The following ABLIM2 variants were observed in gnomAD, a reference collection of about 807,000 sequenced individuals.
The protein encoded by ABLIM2 is actin-binding LIM protein 2.
ABLIM2 carries 53 observed loss-of-function variants against 97.7 expected under a neutral mutation model. That is an observed-to-expected ratio of 0.54 (90% CI 0.44 to 0.68). ABLIM2 has a LOEUF of 0.68. ABLIM2 is among the 30% of genes least tolerant of loss of function. The pLI is 0.00. For missense variants in ABLIM2, 835 were observed against 867.2 expected (o/e 0.96, Z 0.47); for synonymous variants, 361 against 345.8 (o/e 1.04, Z -0.49).
At chr4:8,118,325 C>G (rs1843694223) in intron 1 of ABLIM2, among the ~76,000 whole-genome samples, 1 of 152,224 alleles carries the variant, frequency 6.6e-6, no homozygotes, top group African/African-American at 2.4e-5. Context: ...CAGGCAGGAG[C>G]TGGCCCCATG....
rs1052179302 is a variant in ABLIM2 at position 8,140,832 on chromosome 4, C to T, written c.10+17848G>A. ...TCCTGAGTCAGGGTGGGGTTCAGGG[C>T]AGGGAGGTGGCTGCCAAGAAGAGCT... On this transcript the variant is annotated intron_variant, in intron 1 of 20. Transcript: ENST00000447017. This position sits in a 1 kb window ranked among gnomAD's most constrained non-coding sequence, Gnocchi z 5.9. 2.0e-5 allele frequency among the ~76,000 whole-genome samples: 3 copies of T among 152,118 alleles called. No homozygotes were observed. The highest frequency in any genetic ancestry group is 7.2e-5 in the African/African-American group (3 of 41,416).
rs1015069645 is a variant in ABLIM2, at chr4:8,148,195, G to A, written c.10+10485C>T. Among the ~76,000 whole-genome samples, 4 of 152,226 alleles carry A rather than the reference G, an allele frequency of 2.6e-5. No individual in the cohort carries two copies. The highest frequency in any genetic ancestry group is 2.0e-4 in the Admixed American group (3 of 15,290). On this transcript the variant is annotated intron_variant, in intron 1 of 20. Transcript: ENST00000447017. The surrounding 1 kb of genome is among the most constrained non-coding windows in gnomAD (Gnocchi z 6.7). ...AGGGAGAAAAGGAAGACGTGGCGGC[G>A]GTGCAGCAGAAGCTCTCCTGTGGGG... is the stretch of plus-strand genomic sequence containing the variant.
rs1398731737 is a variant in ABLIM2 at position 7,992,421 on chromosome 4, C to T, written c.1680+445G>A. On this transcript the variant is annotated intron_variant, in intron 17 of 20. Transcript: ENST00000447017. This position sits in a 1 kb window ranked among gnomAD's most constrained non-coding sequence, Gnocchi z 5.7. ...CGCTAAGGATTATTTGGTGTCATCA[C>T]GGTAACAGTAATAGCAGGGAAGGCC... 6.6e-6 allele frequency among the ~76,000 whole-genome samples: 1 copy of T among 152,166 alleles called. No homozygotes were observed. Among genetic ancestry groups the T allele is most frequent in the Non-Finnish European group, 1.5e-5 (1 of 68,018 alleles).
chr4:8,052,867 C>G (rs905727998), intron 8 of ABLIM2, among the ~76,000 whole-genome samples: 4 of 152,222 alleles, frequency 2.6e-5, no homozygotes, highest in African/African-American at 9.7e-5. Context: ...ACTCAGGACC[C>G]CCAAGGTAGC....
At position 8,128,661 on chromosome 4, in the gene ABLIM2, C is replaced by T. The variant is rs767295067; in HGVS notation, c.11-22024G>A. Among the ~76,000 whole-genome samples the T allele has an allele frequency of 2.0e-5, 3 of 152,148 alleles. No homozygotes were observed. The highest frequency in any genetic ancestry group is 2.1e-4 in the South Asian group (1 of 4,816). On this transcript the variant is annotated intron_variant, in intron 1 of 20. Coordinates refer to ENST00000447017, the MANE Select transcript of ABLIM2 (RefSeq NM_001130083.2). This position sits in a 1 kb window ranked among gnomAD's most constrained non-coding sequence, Gnocchi z 4.9. The stretch of plus-strand genomic sequence containing the variant: ...TCATTGTCTAGCCCAAGGCCACTGC[C>T]GTGGATTGAATGTGGTGTCCCCTCC...
chr4:8,035,191 C>T (rs1457686963), intron 10 of ABLIM2, among the ~76,000 whole-genome samples: 2 of 151,974 alleles, frequency 1.3e-5, no homozygotes, highest in Non-Finnish European at 2.9e-5. Context: ...CACCCACATC[C>T]TCAAATTCTG....
At chr4:8,104,767 G>C (rs574427349) in intron 2 of ABLIM2, among the ~76,000 whole-genome samples, 1 of 152,318 alleles carries the variant, frequency 6.6e-6, no homozygotes, top group African/African-American at 2.4e-5. Flanking sequence ...AGGGCCAGCG[G>C]CACCAGGGTC....
Position 8,040,620 on chromosome 4 carries a change from A to G in ABLIM2, c.901-4325T>C, listed in dbSNP as rs867294656. On this transcript the variant is annotated intron_variant, in intron 9 of 20. Transcript: ENST00000447017. ...AGCGAGACTCCATTTCAAAAAAAAA[A>G]AAAAGAAAAGAAAAGAAAAGCAGGG... Among the ~76,000 whole-genome samples, 541 of 150,404 alleles carry G rather than the reference A, an allele frequency of 3.6e-3. 3 individuals are homozygous for G. The highest frequency in any genetic ancestry group is 5.6e-3 in the Non-Finnish European group (379 of 67,676).
intron 2 of ABLIM2, among the ~76,000 whole-genome samples, chr4:8,100,499 C>T (rs1318103611): frequency 6.6e-6 from 1 of 152,100 alleles, no homozygotes; most frequent in South Asian, 2.1e-4. Context: ...GAAATACCAG[C>T]ACTTTGGGAG....
At chr4:8,039,447 G>C (rs186796499) in intron 9 of ABLIM2, among the ~76,000 whole-genome samples, 1 of 152,142 alleles carries the variant, frequency 6.6e-6, no homozygotes, top group Non-Finnish European at 1.5e-5. Context: ...CCCTCAGACA[G>C]GTTGCTAAGT....
chr4:8,076,199 CCG>C (rs1446764358), intron 6 of ABLIM2, among the ~76,000 whole-genome samples: 1 of 152,262 alleles, frequency 6.6e-6, no homozygotes, highest in African/African-American at 2.4e-5. Context: ...ACCCGTCTCC[CCG>C]CCAGGTAGAG....
At position 7,970,093 on chromosome 4, in the gene ABLIM2, AT is replaced by A. The variant is rs574727789; in HGVS notation, c.1825-2991del. ...ATCAAAGGAAAGAAAAAGGAAAATCATTTCTAGCTTTATCCAAGACCTGGTG... is the reference window on the plus strand; with the variant it reads ...ATCAAAGGAAAGAAAAAGGAAAATCATTCTAGCTTTATCCAAGACCTGGTG... On this transcript the variant is annotated intron_variant, in intron 20 of 20. Coordinates refer to ENST00000447017, the MANE Select transcript of ABLIM2 (RefSeq NM_001130083.2). The surrounding 1 kb of genome is among the most constrained non-coding windows in gnomAD (Gnocchi z 5.3). 3.2e-3 allele frequency among the ~76,000 whole-genome samples: 483 copies of A among 152,324 alleles called. 2 individuals are homozygous for A. The highest frequency in any genetic ancestry group is 4.8e-3 in the Non-Finnish European group (326 of 68,030).
chr4:8,030,677 C>T (rs112292898), intron 10 of ABLIM2, among the ~76,000 whole-genome samples: 1,907 of 152,338 alleles, frequency 0.013, 37 homozygotes, highest in African/African-American at 0.037. Context: ...AACCCCAGCC[C>T]GGGGCGCACT....
rs2150126633 is a variant in ABLIM2, at chr4:7,998,589, C to T, written c.1619-5662G>A. 2.1e-6 allele frequency: 1 copy of T among 480,442 alleles called. No homozygotes were observed. The highest frequency in any genetic ancestry group is 4.2e-6 in the Non-Finnish European group (1 of 239,998). The allele number at this position is 480,442 out of a possible 1,614,324, so 29.8% of individuals were successfully genotyped here. ...CATGCCCCTGGGTTCACTCCCAGGA[C>T]TGCGGGGTGCCTGCTGGCCACCTGC... is the stretch of plus-strand genomic sequence containing the variant. On this transcript the variant is annotated intron_variant, in intron 16 of 20. Coordinates refer to ENST00000447017, the MANE Select transcript of ABLIM2 (RefSeq NM_001130083.2). This position sits in a 1 kb window ranked among gnomAD's most constrained non-coding sequence, Gnocchi z 6.4.
At chr4:8,079,452 C>G (rs13114977) in intron 5 of ABLIM2, among the ~76,000 whole-genome samples, 5 of 152,176 alleles carry the variant, frequency 3.3e-5, no homozygotes, top group Non-Finnish European at 5.9e-5. Context: ...TGCACCACAC[C>G]GGGCGGTCCC....
In ABLIM2 at chr4:8,125,135, T is replaced by C. The variant is rs1444663551; in HGVS notation, c.11-18498A>G. Among the ~76,000 whole-genome samples, 1 of 152,248 alleles carries C rather than the reference T, an allele frequency of 6.6e-6. No individual in the cohort carries two copies. Among genetic ancestry groups the C allele is most frequent in the Non-Finnish European group, 1.5e-5 (1 of 68,046 alleles). On this transcript the variant is annotated intron_variant, in intron 1 of 20. Coordinates refer to ENST00000447017, the MANE Select transcript of ABLIM2 (RefSeq NM_001130083.2). The surrounding 1 kb of genome is among the most constrained non-coding windows in gnomAD (Gnocchi z 6.2). ...AGATACAAGTCCCGTGTCAGCTTGC[T>C]AATTTGCAAATATTTTCTCCTATTT...
At chr4:8,007,199 C>T (rs1006664817) in intron 16 of ABLIM2, 10 of 985,090 alleles carry the variant, frequency 1.0e-5, no homozygotes, top group Non-Finnish European at 1.2e-5. Flanking sequence ...TACTGAGCAG[C>T]TACTATGGCC....
chr4:8,018,822 A>C (rs1771397949), intron 14 of ABLIM2, among the ~76,000 whole-genome samples: 1 of 152,218 alleles, frequency 6.6e-6, no homozygotes. Flanking sequence ...CATCATGTGC[A>C]CAGCACTTTA....
Position 8,058,744 on chromosome 4 carries a change from C to T in ABLIM2, c.763+2223G>A, listed in dbSNP as rs2152073253. Among the ~76,000 whole-genome samples the T allele has an allele frequency of 6.6e-6, 1 of 152,296 alleles. No homozygotes were observed. The highest frequency in any genetic ancestry group is 2.1e-4 in the South Asian group (1 of 4,826). On this transcript the variant is annotated intron_variant, in intron 7 of 20. Coordinates refer to ENST00000447017, the MANE Select transcript of ABLIM2 (RefSeq NM_001130083.2). The surrounding 1 kb of genome is among the most constrained non-coding windows in gnomAD (Gnocchi z 4.2). ...TTGCCCAGGTCTCCACCATCACCCT[C>T]CCAACCCATCCAGTCTTAGGCCTGC...
Sources: allele counts gnomAD v4.1 joint callset (sites outside exome capture counted in the v4.1 genomes callset), GRCh38; gene constraint gnomAD v4.1.1; non-coding constraint Gnocchi (gnomAD v3.1); transcripts MANE v1.5; gene names NCBI Gene and HGNC (gene_info 2026-07-23, HGNC 2026-07-21).